The following DTD1 variants were observed in gnomAD, a reference collection of about 807,000 sequenced individuals.
DTD1 encodes the protein D-tyrosyl-tRNA deacylase 1 homolog.
DTD1 carries 13 observed loss-of-function variants against 25.6 expected under a neutral mutation model. That is an observed-to-expected ratio of 0.51 (90% CI 0.33 to 0.81). The LOEUF (loss-of-function observed/expected upper bound fraction) is 0.81, where lower values mean the gene tolerates loss of function less well. Ranked by LOEUF, DTD1 falls within the 30% of genes least tolerant of loss-of-function variation. The pLI is 0.02. For synonymous variants in DTD1, 110 were observed against 103.6 expected (o/e 1.06, Z -0.37); for missense variants, 193 against 266.4 (o/e 0.72, Z 1.92).
At chr20:18,631,187 C>T in intron 4 of DTD1, 4 of 985,498 alleles carry the variant, frequency 4.1e-6, no homozygotes, top group Non-Finnish European at 4.8e-6. Context: ...CTACCCTTTC[C>T]TGGGCTGAGT....
At chr20:18,708,420 A>T (rs1394491718) in intron 4 of DTD1, among the ~76,000 whole-genome samples, 1 of 137,874 alleles carries the variant, frequency 7.3e-6, no homozygotes, top group Admixed American at 8.0e-5. Context: ...CAGTGGTATG[A>T]TCTCAGCTCA....
At chr20:18,668,142 G>A (rs1170311101) in intron 4 of DTD1, among the ~76,000 whole-genome samples, 1 of 152,178 alleles carries the variant, frequency 6.6e-6, no homozygotes, top group Non-Finnish European at 1.5e-5. Context: ...AACAACATAT[G>A]TTTGTCCATG....
At chr20:18,625,964 C>T (rs1041369366) in intron 3 of DTD1, among the ~76,000 whole-genome samples, 1 of 152,236 alleles carries the variant, frequency 6.6e-6, no homozygotes, top group Non-Finnish European at 1.5e-5. Context: ...TGGAGAGCAG[C>T]GAATGTGGGC....
intron 4 of DTD1, chr20:18,631,034 G>A (rs1180168067): frequency 1.0e-6 from 1 of 984,380 alleles, no homozygotes; most frequent in Non-Finnish European, 1.2e-6. Context: ...CTCCATGTTA[G>A]ATGAAGTGCT....
At chr20:18,596,366 G>T in intron 3 of DTD1, 125 bp downstream of exon 3, 1 of 760,648 alleles carries the variant, frequency 1.3e-6, no homozygotes. Flanking sequence ...TACTTACTTA[G>T]AACCACATAC....
intron 5 of DTD1, among the ~76,000 whole-genome samples, chr20:18,762,276 A>G (rs2061366034): frequency 6.6e-6 from 1 of 152,218 alleles, no homozygotes; most frequent in Non-Finnish European, 1.5e-5. Flanking sequence ...TCCAATTAGA[A>G]TCTAGATCTG....
intron 4 of DTD1, among the ~76,000 whole-genome samples, chr20:18,679,629 T>C (rs1192141274): frequency 6.6e-6 from 1 of 151,984 alleles, no homozygotes; most frequent in Non-Finnish European, 1.5e-5. Flanking sequence ...TGGTAGGTAA[T>C]TATCACTGCT....
At chr20:18,695,887 A>C (rs186983276) in intron 4 of DTD1, among the ~76,000 whole-genome samples, 145 of 152,110 alleles carry the variant, frequency 9.5e-4, no homozygotes, top group African/African-American at 3.3e-3. Flanking sequence ...TATGTTGCCC[A>C]AGCTGGCCAT....
At chr20:18,650,405 C>T (rs183024444) in intron 4 of DTD1, among the ~76,000 whole-genome samples, 176 of 152,262 alleles carry the variant, frequency 1.2e-3, no homozygotes, top group Middle Eastern at 3.4e-3. Context: ...CCTATCACGG[C>T]CCCGTCCTCC....
intron 3 of DTD1, among the ~76,000 whole-genome samples, chr20:18,608,578 T>C (rs1451976061): frequency 6.6e-6 from 1 of 152,234 alleles, no homozygotes; most frequent in Non-Finnish European, 1.5e-5. Flanking sequence ...AATAAACACA[T>C]TTAGTGCTAT....
chr20:18,684,196 C>G (rs913013100), intron 4 of DTD1, among the ~76,000 whole-genome samples: 1 of 152,086 alleles, frequency 6.6e-6, no homozygotes, highest in African/African-American at 2.4e-5. Context: ...GATCTCCCCA[C>G]TCCTGCCTCC....
rs974950902 is a variant in DTD1 at position 18,763,898 on chromosome 20, C to G, written c.*558C>G. ...TAATAAAATCCTAAATCTCAACAAACCACTTTATTATCAAACAAATTCTGC... is the reference window on the plus strand; with the variant it reads ...TAATAAAATCCTAAATCTCAACAAAGCACTTTATTATCAAACAAATTCTGC... On this transcript the variant is annotated 3_prime_UTR_variant, in exon 6 of 6. Transcript: ENST00000377452. 3 of 152,192 alleles carry G rather than the reference C, an allele frequency of 2.0e-5. No homozygotes were observed. The highest frequency in any genetic ancestry group is 4.8e-5 in the African/African-American group (2 of 41,438). The allele number at this position is 152,192 out of a possible 1,614,324, so 9.4% of individuals were successfully genotyped here.
intron 3 of DTD1, among the ~76,000 whole-genome samples, chr20:18,627,560 C>T (rs2060764666): frequency 6.6e-6 from 1 of 152,214 alleles, no homozygotes; most frequent in African/African-American, 2.4e-5. Context: ...CTCTGTGCTA[C>T]TTAATCCTGC....
chr20:18,708,218 A>G (rs375503041), intron 4 of DTD1, among the ~76,000 whole-genome samples: 2 of 5,658 alleles, frequency 3.5e-4, no homozygotes, highest in Non-Finnish European at 6.1e-4. Context: ...TTATATATAT[A>G]ATATATATAT....
At chr20:18,740,017 C>T (rs924807438) in intron 4 of DTD1, among the ~76,000 whole-genome samples, 1 of 151,856 alleles carries the variant, frequency 6.6e-6, no homozygotes, top group Non-Finnish European at 1.5e-5. Context: ...AGCTGGCTCT[C>T]GGTGGGAGGG....
chr20:18,757,093 A>G (rs1917208888), intron 5 of DTD1, among the ~76,000 whole-genome samples: 1 of 151,974 alleles, frequency 6.6e-6, no homozygotes, highest in East Asian at 1.9e-4. Context: ...GTGTATAAGA[A>G]TGCTTGTGAT....
chr20:18,657,899 G>A (rs1271448491), intron 4 of DTD1, among the ~76,000 whole-genome samples: 4 of 152,098 alleles, frequency 2.6e-5, no homozygotes, highest in Admixed American at 6.5e-5. Flanking sequence ...TCAGGGCCTC[G>A]CCTTGCAAAT....
chr20:18,663,207 G>T (rs2060918286), intron 4 of DTD1, among the ~76,000 whole-genome samples: 1 of 152,092 alleles, frequency 6.6e-6, no homozygotes, highest in Admixed American at 6.6e-5. Context: ...GATCTAGTTT[G>T]GTAGAAAAGT....
At chr20:18,616,190 A>G (rs1390629358) in intron 3 of DTD1, among the ~76,000 whole-genome samples, 2 of 152,202 alleles carry the variant, frequency 1.3e-5, no homozygotes, top group Non-Finnish European at 2.9e-5. Flanking sequence ...CAGATGTCCA[A>G]CTGATTTTGG....
Sources: allele counts gnomAD v4.1 joint callset (sites outside exome capture counted in the v4.1 genomes callset), GRCh38; gene constraint gnomAD v4.1.1; transcripts MANE v1.5; gene names NCBI Gene and HGNC (gene_info 2026-07-23, HGNC 2026-07-21).